Variants in ABCB10 observed in about 807,000 individuals in gnomAD.
The protein encoded by ABCB10 is ATP binding cassette subfamily B member 10.
Under a neutral mutation model 65.4 loss-of-function variants are expected in ABCB10, and 54 were observed. The observed-to-expected ratio is 0.83, with a 90% confidence interval of 0.66 to 1.04. The LOEUF (loss-of-function observed/expected upper bound fraction) is 1.04, where lower values mean the gene tolerates loss of function less well. ABCB10 is among the 50% of genes least tolerant of loss of function. The probability of loss-of-function intolerance (pLI) is 0.00; values close to 1 mark genes in which losing one functional copy is unlikely to be tolerated. For synonymous variants in ABCB10, 418 were observed against 406.5 expected (o/e 1.03, Z -0.34); for missense variants, 846 against 976.6 (o/e 0.87, Z 1.78).
chr1:229,530,130 C>T lies in ABCB10; in HGVS notation c.1645+69G>A, dbSNP rs777417989. Reference sequence around the variant, plus strand: ...AGGTATTTGCATGGTTTGAGCATCTCCTAGGGCGCAAAAGTGGGAGCAGAG... The same window carrying T: ...AGGTATTTGCATGGTTTGAGCATCTTCTAGGGCGCAAAAGTGGGAGCAGAG... On this transcript the variant is annotated intron_variant, in intron 8 of 12. Transcript: ENST00000344517. The T allele has an allele frequency of 4.3e-5, 64 of 1,498,320 alleles. No individual in the cohort carries two copies. The Middle Eastern group carries it at 7.0e-4, about 16-fold the overall frequency. The allele number at this position is 1,498,320 out of a possible 1,614,324, so 92.8% of individuals were successfully genotyped here. A position where few individuals can be genotyped will look rare whatever the true frequency, so the allele number is the denominator to read the frequency against.
intron 6 of ABCB10, 28 bp downstream of exon 6, chr1:229,539,428 A>T: frequency 6.2e-7 from 1 of 1,606,052 alleles, no homozygotes; most frequent in Non-Finnish European, 8.5e-7. Flanking sequence ...TTAATTTGTA[A>T]CACCCCAAGC....
At chr1:229,554,248 G>A (rs1237798664) in intron 1 of ABCB10, among the ~76,000 whole-genome samples, 5 of 152,176 alleles carry the variant, frequency 3.3e-5, no homozygotes, top group Non-Finnish European at 7.4e-5. Context: ...GTGAGGACAT[G>A]AGCGGCTGAC....
intron 3 of ABCB10, among the ~76,000 whole-genome samples, chr1:229,543,915 G>A (rs1023660398): frequency 6.6e-6 from 1 of 152,130 alleles, no homozygotes; most frequent in Non-Finnish European, 1.5e-5. Context: ...CAACAGGGCA[G>A]GTCTAACACT....
chr1:229,517,967 T>C lies in ABCB10; in HGVS notation c.*212A>G, dbSNP rs1403556872. ...AAACCTGAAAATAACTTCAGTGCTA[T>C]AGACATTTAAAAAGTTACAATTATT... On this transcript the variant is annotated 3_prime_UTR_variant, in exon 13 of 13. Transcript: ENST00000344517. 5.1e-5 allele frequency: 28 copies of C among 548,722 alleles called. No homozygotes were observed. Among genetic ancestry groups the C allele is most frequent in the East Asian group, 9.3e-5 (3 of 32,242 alleles). The allele number at this position is 548,722 out of a possible 1,614,324, so 34.0% of individuals were successfully genotyped here.
At chr1:229,520,012 T>C (rs1003063441) in intron 11 of ABCB10, among the ~76,000 whole-genome samples, 4 of 150,772 alleles carry the variant, frequency 2.7e-5, no homozygotes, top group Non-Finnish European at 5.9e-5. Flanking sequence ...TATGCACCTA[T>C]AGTCCTAGCT....
At position 229,539,567 on chromosome 1, in the gene ABCB10, C is replaced by T. The variant is rs755725401; in HGVS notation, c.1228G>A (p.Val410Met). ...GATGLSGNLI[V>M]LSVLYKGGLL... ...CCTCCTTTGTACAGGACAGAAAGCA[C>T]GATCAGGTTTCCGGAGAGCCCAGTC... Residue 410 changes from valine to methionine, a missense_variant, in exon 6 of 13, where the codon GTG becomes ATG. Coordinates refer to ENST00000344517, the MANE Select transcript of ABCB10 (RefSeq NM_012089.3). 30 of 1,613,826 alleles carry T rather than the reference C, an allele frequency of 1.9e-5. No homozygotes were observed. Among genetic ancestry groups the T allele is most frequent in the African/African-American group, 9.3e-5 (7 of 74,890 alleles).
chr1:229,532,013 C>T, intron 6 of ABCB10: 1 of 230,084 alleles, frequency 4.3e-6, no homozygotes, highest in South Asian at 8.3e-5. Flanking sequence ...AGTGCACTGG[C>T]ACAATCTCAG....
chr1:229,546,882 T>TA (rs1485853041), intron 3 of ABCB10, among the ~76,000 whole-genome samples: 3 of 152,024 alleles, frequency 2.0e-5, no homozygotes, highest in Non-Finnish European at 4.4e-5. Context: ...AGACTGTCTC[T>TA]AAAAAAATTA....
chr1:229,546,872 A>T (rs1273534385), intron 3 of ABCB10, among the ~76,000 whole-genome samples: 1 of 152,136 alleles, frequency 6.6e-6, no homozygotes, highest in African/African-American at 2.4e-5. Context: ...TAACAGAGTG[A>T]GACTGTCTCT....
chr1:229,527,374 G>A, intron 8 of ABCB10, 66 bp from the exon 9 acceptor site: 1 of 1,398,004 alleles, frequency 7.2e-7, no homozygotes, highest in Non-Finnish European at 1.0e-6. Context: ...AACACAGAAA[G>A]GATCCGGTGG....
At chr1:229,534,799 G>T (rs946715994) in intron 6 of ABCB10, among the ~76,000 whole-genome samples, 3 of 150,740 alleles carry the variant, frequency 2.0e-5, no homozygotes, top group Admixed American at 6.6e-5. Context: ...TGAACCTGGG[G>T]GGGTGGAGGT....
In ABCB10 at chr1:229,558,612, G is replaced by C. The variant is rs887356997; in HGVS notation, c.41C>G (p.Pro14Arg). 7.0e-5 allele frequency: 100 copies of C among 1,421,126 alleles called. No homozygotes were observed. The highest frequency in any genetic ancestry group is 8.7e-5 in the Non-Finnish European group (95 of 1,088,274). 88.0% of individuals were successfully genotyped at this position (1,421,126 alleles called of 1,614,324 possible). Residue 14 changes from proline to arginine, a missense_variant, in exon 1 of 13, where the codon CCA becomes CGA. Around this residue, in one of 2 missense-constraint regions of ABCB10, gnomAD observed 214 missense variants for 173.5 expected, o/e 1.23. Coordinates refer to ENST00000344517, the MANE Select transcript of ABCB10 (RefSeq NM_012089.3). ...CCGACCTGGCTCGGCAGGGCTCGGTGGCTCGAGCAGCCGCAGCGGCCAGGC... is the reference window on the plus strand; with the variant it reads ...CCGACCTGGCTCGGCAGGGCTCGGTCGCTCGAGCAGCCGCAGCGGCCAGGC... ...PPAWPLRLLE[P>R]PSPAEPGRLL...
Position 229,518,089 on chromosome 1 carries a change from T to C in ABCB10, c.*90A>G, listed in dbSNP as rs752516038. The C allele has an allele frequency of 1.2e-4, 107 of 922,882 alleles. No homozygotes were observed. Among genetic ancestry groups the C allele is most frequent in the Non-Finnish European group, 1.5e-4 (90 of 596,496 alleles). 57.2% of individuals were successfully genotyped at this position (922,882 alleles called of 1,614,324 possible). On this transcript the variant is annotated 3_prime_UTR_variant, in exon 13 of 13. Coordinates refer to ENST00000344517, the MANE Select transcript of ABCB10 (RefSeq NM_012089.3). ...TAGGTATTTTTCAAATAACTTGATA[T>C]ATGGTTTATGTATTTCATAGTCTCT... is the stretch of plus-strand genomic sequence containing the variant.
chr1:229,539,854 AT>A (rs1238618033), intron 5 of ABCB10, among the ~76,000 whole-genome samples: 4 of 152,244 alleles, frequency 2.6e-5, no homozygotes, highest in Admixed American at 2.6e-4. Context: ...TTTGCAAAAG[AT>A]AAAAGTAATA....
At chr1:229,525,564 G>A (rs1662420447) in intron 10 of ABCB10, among the ~76,000 whole-genome samples, 1 of 152,184 alleles carries the variant, frequency 6.6e-6, no homozygotes. Flanking sequence ...ATGTGGGCTG[G>A]GCACGGTGGC....
chr1:229,543,500 G>A (rs138910342), intron 3 of ABCB10, among the ~76,000 whole-genome samples: 79 of 152,288 alleles, frequency 5.2e-4, no homozygotes, highest in African/African-American at 1.9e-3. Flanking sequence ...TGAAACATAA[G>A]TGGATGGATC....
chr1:229,549,286 A>C lies in ABCB10; in HGVS notation c.666T>G (p.Phe222Leu), dbSNP rs1245154993. The change falls in exon 2 of 13, where the codon TTT becomes TTG. Residue 222 changes from phenylalanine to leucine, a missense_variant. Around this residue, in one of 2 missense-constraint regions of ABCB10, gnomAD observed 632 missense variants for 803.2 expected, o/e 0.79. Coordinates refer to ENST00000344517, the MANE Select transcript of ABCB10 (RefSeq NM_012089.3). Reference protein sequence around the residue: ...TRLCLGLSAVFLCGAAANAIR... With the variant: ...TRLCLGLSAVLLCGAAANAIR... ...TGGCATTGGCGGCAGCACCACACAG[A>C]AACACGGCACTGAGCCCTAGGCAGA... 1.2e-6 allele frequency: 2 copies of C among 1,614,058 alleles called. No individual in the cohort carries two copies. The highest frequency in any genetic ancestry group is 1.7e-6 in the Non-Finnish European group (2 of 1,180,036).
intron 9 of ABCB10, among the ~76,000 whole-genome samples, chr1:229,526,418 T>C (rs906075872): frequency 2.0e-5 from 3 of 152,188 alleles, no homozygotes; most frequent in Non-Finnish European, 4.4e-5. Context: ...AAGCGGGGAA[T>C]CCATCTCCAT....
At chr1:229,550,362 C>G (rs1663077192) in intron 1 of ABCB10, among the ~76,000 whole-genome samples, 2 of 151,538 alleles carry the variant, frequency 1.3e-5, no homozygotes, top group Admixed American at 6.6e-5. Flanking sequence ...CCTGTCTCTA[C>G]AGAAAATACA....
Sources: gnomAD v4.1 joint callset for allele counts (sites outside exome capture counted in the v4.1 genomes callset) on GRCh38, gnomAD v4.1.1 for gene constraint, gnomAD v4.1.1 regional missense constraint, MANE v1.5 for transcripts, NCBI Gene and HGNC (gene_info 2026-07-23, HGNC 2026-07-21) for gene names.